The following KCNQ4 variants were observed in gnomAD, a reference collection of about 807,000 sequenced individuals.
KCNQ4 encodes the protein potassium voltage-gated channel subfamily Q member 4, also known as potassium voltage-gated channel subfamily KQT member 4.
In KCNQ4, 31 loss-of-function variants were observed where a neutral mutation model predicts 72.6. The ratio of observed to expected loss-of-function variants is 0.43; its 90% CI spans 0.32 to 0.58. The LOEUF is 0.58. Among genes scored for constraint, KCNQ4 ranks in the 20% least tolerant of loss-of-function variants. The probability of loss-of-function intolerance (pLI) is 0.08; values close to 1 mark genes in which losing one functional copy is unlikely to be tolerated. For synonymous variants in KCNQ4, 405 were observed against 403.7 expected (o/e 1.00, Z -0.04); for missense variants, 869 against 962.6 (o/e 0.90, Z 1.29).
At chr1:40,785,345 G>C (rs556798897) in intron 1 of KCNQ4, among the ~76,000 whole-genome samples, 1 of 152,326 alleles carries the variant, frequency 6.6e-6, no homozygotes, top group South Asian at 2.1e-4. Flanking sequence ...GAAGGGCTGG[G>C]CCTGACGCTG....
chr1:40,788,843 G>A lies in KCNQ4; in HGVS notation c.314+4436G>A, dbSNP rs865987581. ...TAGTTGTAGACCACGTCACTGCTGC[G>A]TACCTGTCTGAATGTCTCACACATG... On this transcript the variant is annotated intron_variant, in intron 1 of 13. Coordinates refer to ENST00000347132, the MANE Select transcript of KCNQ4 (RefSeq NM_004700.4). The surrounding 1 kb of genome is among the most constrained non-coding windows in gnomAD (Gnocchi z 4.5). 1.2e-4 allele frequency among the ~76,000 whole-genome samples: 19 copies of A among 152,306 alleles called. No homozygotes were observed. Among genetic ancestry groups the A allele is most frequent in the Middle Eastern group, 3.4e-3 (1 of 294 alleles).
intron 12 of KCNQ4, among the ~76,000 whole-genome samples, chr1:40,837,069 ATCTTT>A (rs143786917): frequency 0.018 from 2,606 of 143,702 alleles, 76 homozygotes; most frequent in African/African-American, 0.061. Context: ...TCCCCAATCC[ATCTTT>A]TCTTTTCTTT....
intron 1 of KCNQ4, among the ~76,000 whole-genome samples, chr1:40,804,476 A>G (rs919110095): frequency 6.6e-6 from 1 of 152,200 alleles, no homozygotes; most frequent in African/African-American, 2.4e-5. Context: ...GTGCCCAGAT[A>G]TAGCCAGTAT....
chr1:40,818,938 T>A lies in KCNQ4; in HGVS notation c.708+258T>A, dbSNP rs970868819. On this transcript the variant is annotated intron_variant, in intron 4 of 13. Transcript: ENST00000347132. The stretch of plus-strand genomic sequence containing the variant: ...AGAGGCGGGGCTTGAGGGTTTCCCC[T>A]GGATGCTTCTGGGTTTGAAGGGACC... 5.5e-5 allele frequency: 33 copies of A among 597,018 alleles called. No homozygotes were observed. In the South Asian group the frequency reaches 6.5e-4, roughly 12 times the overall value. 37.0% of individuals were successfully genotyped at this position (597,018 alleles called of 1,614,324 possible).
In KCNQ4 at chr1:40,824,132, C is replaced by A. The variant is rs923438571; in HGVS notation, c.1166C>A (p.Ala389Asp). The change falls in exon 9 of 14, where the codon GCC becomes GAC. Residue 389 changes from alanine to aspartate, a missense_variant. Around this residue, in one of 5 missense-constraint regions of KCNQ4, gnomAD observed 480 missense variants for 501.9 expected, o/e 0.96. Coordinates refer to ENST00000347132, the MANE Select transcript of KCNQ4 (RefSeq NM_004700.4). ...LALLFEHVQR[A>D]RNGGLRPLEV... Reference sequence around the variant, plus strand: ...CTCTTGTTTGAGCACGTGCAACGGGCCCGCAATGGGGGCCTACGGCCCCTG... The same window carrying A: ...CTCTTGTTTGAGCACGTGCAACGGGACCGCAATGGGGGCCTACGGCCCCTG... 6.4e-7 allele frequency: 1 copy of A among 1,561,454 alleles called. No individual in the cohort carries two copies.
chr1:40,819,602 AC>A (rs1487908313), intron 5 of KCNQ4, 130 bp downstream of exon 5: 12 of 1,289,938 alleles, frequency 9.3e-6, no homozygotes, highest in African/African-American at 1.5e-5. Flanking sequence ...TAGAGCTGGG[AC>A]CCCCCTGAGA....
At chr1:40,828,239 C>T (rs967813544) in intron 9 of KCNQ4, among the ~76,000 whole-genome samples, 6 of 152,162 alleles carry the variant, frequency 3.9e-5, no homozygotes, top group Non-Finnish European at 4.4e-5. Context: ...GGGCAGAGCT[C>T]GGCCTCCCCA....
chr1:40,797,836 G>C (rs369104642), intron 1 of KCNQ4, among the ~76,000 whole-genome samples: 13 of 152,242 alleles, frequency 8.5e-5, no homozygotes, highest in African/African-American at 1.7e-4. Context: ...CTCTGGCTTG[G>C]GGGGAGATGT....
intron 9 of KCNQ4, among the ~76,000 whole-genome samples, chr1:40,826,113 G>A (rs868843045): frequency 7.2e-5 from 11 of 152,314 alleles, no homozygotes; most frequent in South Asian, 2.1e-4. Flanking sequence ...TGTCTAGACC[G>A]CCAGCCAGGA....
At position 40,837,774 on chromosome 1, in the gene KCNQ4, G is replaced by A. The variant is rs1370815453; in HGVS notation, c.1855G>A (p.Val619Met). The change falls in exon 13 of 14, where the codon GTG becomes ATG. Residue 619 changes from valine (V) to methionine (M), a missense_variant. Coordinates refer to ENST00000347132, the MANE Select transcript of KCNQ4 (RefSeq NM_004700.4). The part of the protein sequence containing the change: ...VVDEISMMGR[V>M]VKVEKQVQSI... ...GGATGAAATCAGCATGATGGGACGC[G>A]TGGTCAAGGTGGAGAAGCAGGTGAG... 1.9e-6 allele frequency: 3 copies of A among 1,609,698 alleles called. No homozygotes were observed. The highest frequency in any genetic ancestry group is 2.2e-5 in the South Asian group (2 of 90,072).
intron 1 of KCNQ4, among the ~76,000 whole-genome samples, chr1:40,795,537 C>T (rs562581056): frequency 2.0e-5 from 3 of 152,256 alleles, no homozygotes; most frequent in East Asian, 1.9e-4. Flanking sequence ...GCTGAGATTA[C>T]GGACATGAGC....
intron 3 of KCNQ4, 22 bp downstream of exon 3, chr1:40,818,312 G>A (rs1648160829): frequency 1.9e-6 from 3 of 1,612,656 alleles, no homozygotes; most frequent in Non-Finnish European, 2.5e-6. Flanking sequence ...CGCCCCGCCC[G>A]ACCTGACCCC....
chr1:40,827,378 G>A (rs1648512362), intron 9 of KCNQ4, among the ~76,000 whole-genome samples: 1 of 152,212 alleles, frequency 6.6e-6, no homozygotes, highest in African/African-American at 2.4e-5. Flanking sequence ...GGGTTTCAGG[G>A]AGGGCATTCC....
intron 9 of KCNQ4, among the ~76,000 whole-genome samples, chr1:40,829,569 T>C (rs1476576050): frequency 6.6e-6 from 1 of 151,912 alleles, no homozygotes; most frequent in Non-Finnish European, 1.5e-5. Flanking sequence ...CTCCCTCCCC[T>C]CCACCCCATG....
intron 1 of KCNQ4, among the ~76,000 whole-genome samples, chr1:40,800,727 T>C (rs72661507): frequency 0.026 from 3,985 of 152,316 alleles, 82 homozygotes; most frequent in Middle Eastern, 0.058. Flanking sequence ...GGAGCCAGAC[T>C]GGCCTTGCCC....
intron 12 of KCNQ4, among the ~76,000 whole-genome samples, chr1:40,837,025 C>T (rs570239066): frequency 2.4e-4 from 36 of 152,062 alleles, no homozygotes; most frequent in Admixed American, 6.5e-4. Flanking sequence ...CACATTCCCA[C>T]GTGTCTCCAC....
In KCNQ4 at chr1:40,838,397, C is replaced by T. The variant is rs760958171; in HGVS notation, c.1962C>T (p.Ala654=). 5.0e-6 allele frequency: 8 copies of T among 1,614,076 alleles called. No homozygotes were observed. The highest frequency in any genetic ancestry group is 6.8e-6 in the Non-Finnish European group (8 of 1,179,956). The change falls in exon 14 of 14, where the codon GCC becomes GCT. Residue 654 remains alanine, a synonymous_variant. Transcript: ENST00000347132. ...LRSGTSASLG[A]VQVPLFDPDI... is the part of the protein sequence containing the mutation. ...CTGGCACCTCGGCCAGCCTGGGCGC[C>T]GTGCAAGTGCCGCTGTTCGACCCCG...
Position 40,805,768 on chromosome 1 carries a change from G to T in KCNQ4, c.315-11497G>T, listed in dbSNP as rs528519193. On this transcript the variant is annotated intron_variant, in intron 1 of 13. Coordinates refer to ENST00000347132, the MANE Select transcript of KCNQ4 (RefSeq NM_004700.4). ...GGGCTTTCCTTGCAATCATGCTAAG[G>T]GGTTTGGGCCTGGGCCCACAACTCA... 2.6e-5 allele frequency among the ~76,000 whole-genome samples: 4 copies of T among 152,320 alleles called. No individual in the cohort carries two copies. In the South Asian group the frequency reaches 6.2e-4, roughly 24 times the overall value.
Position 40,838,775 on chromosome 1 carries a change from C to A in KCNQ4, c.*252C>A. 3.5e-6 allele frequency: 2 copies of A among 578,816 alleles called. No individual in the cohort carries two copies. Among genetic ancestry groups the A allele is most frequent in the Non-Finnish European group, 6.2e-6 (2 of 321,968 alleles). The allele number at this position is 578,816 out of a possible 1,614,324, so 35.9% of individuals were successfully genotyped here. A position where few individuals can be genotyped will look rare whatever the true frequency, so the allele number is the denominator to read the frequency against. ...AGCGGCCGTCCCGCGGCCTCTGGGC[C>A]CCCCAGTGCCCTGCCCACTCCATCA... On this transcript the variant is annotated 3_prime_UTR_variant, in exon 14 of 14. Coordinates refer to ENST00000347132, the MANE Select transcript of KCNQ4 (RefSeq NM_004700.4).
Sources: allele counts gnomAD v4.1 joint callset (sites outside exome capture counted in the v4.1 genomes callset), GRCh38; gene constraint gnomAD v4.1.1; regional missense constraint gnomAD v4.1.1; non-coding constraint Gnocchi (gnomAD v3.1); transcripts MANE v1.5; gene names NCBI Gene and HGNC (gene_info 2026-07-23, HGNC 2026-07-21).